ANO1: variants seen among roughly 807,000 people sequenced by gnomAD.
ANO1 encodes the protein anoctamin 1, also known as anoctamin-1.
ANO1 carries 59 observed loss-of-function variants against 124.0 expected under a neutral mutation model. That is an observed-to-expected ratio of 0.48 (90% CI 0.39 to 0.59). The LOEUF is 0.59. Ranked by LOEUF, ANO1 falls within the 20% of genes least tolerant of loss-of-function variation. The pLI is 0.00. For synonymous variants in ANO1, 529 were observed against 532.0 expected (o/e 0.99, Z 0.08); for missense variants, 1,059 against 1,328.0 (o/e 0.80, Z 3.15).
chr11:69,994,919 C>G (rs1856230662), intron 1 of ANO1, among the ~76,000 whole-genome samples: 1 of 152,126 alleles, frequency 6.6e-6, no homozygotes, highest in African/African-American at 2.4e-5. Context: ...TCATCACCAT[C>G]ATTCCTTTGT....
At chr11:70,156,673 A>G (rs1671032149) in intron 15 of ANO1, among the ~76,000 whole-genome samples, 1 of 152,224 alleles carries the variant, frequency 6.6e-6, no homozygotes, top group African/African-American at 2.4e-5. Flanking sequence ...GGCAGCTGGC[A>G]TTACAATGTC....
At chr11:70,110,612 G>A (rs921634777) in intron 6 of ANO1, among the ~76,000 whole-genome samples, 1 of 152,134 alleles carries the variant, frequency 6.6e-6, no homozygotes, top group African/African-American at 2.4e-5. Flanking sequence ...CCACAGAGAT[G>A]GCCCATTTTC....
chr11:70,013,781 G>T (rs917457993), intron 1 of ANO1, among the ~76,000 whole-genome samples: 1 of 49,826 alleles, frequency 2.0e-5, no homozygotes. Context: ...CAGCCTGGGT[G>T]ACAGAGTGAG....
intron 1 of ANO1, among the ~76,000 whole-genome samples, chr11:70,072,075 G>A (rs574164997): frequency 2.6e-5 from 4 of 152,288 alleles, no homozygotes; most frequent in South Asian, 2.1e-4. Flanking sequence ...GCCCAGTAAC[G>A]CACACCTTTA....
At chr11:70,133,787 T>A (rs1393384100) in intron 11 of ANO1, among the ~76,000 whole-genome samples, 1 of 152,158 alleles carries the variant, frequency 6.6e-6, no homozygotes, top group Non-Finnish European at 1.5e-5. Flanking sequence ...GCTGAGCCTG[T>A]GTGGTTTGCG....
intron 23 of ANO1, among the ~76,000 whole-genome samples, chr11:70,181,268 A>T (rs1389089372): frequency 6.6e-6 from 1 of 152,168 alleles, no homozygotes; most frequent in African/African-American, 2.4e-5. Flanking sequence ...ACGCCCCTGC[A>T]GGGCCGTGAT....
At chr11:70,095,339 A>AAAGAAAG in intron 2 of ANO1, among the ~76,000 whole-genome samples, 2 of 123,336 alleles carry the variant, frequency 1.6e-5, no homozygotes, top group East Asian at 2.5e-4. Flanking sequence ...GAAAGGAAAG[A>AAAGAAAG]GAAAGAAAAA....
chr11:70,159,907 G>A (rs1253952699), intron 16 of ANO1, among the ~76,000 whole-genome samples: 2 of 152,252 alleles, frequency 1.3e-5, no homozygotes, highest in African/African-American at 4.8e-5. Flanking sequence ...AGGGTGTGGT[G>A]AGGGCTGCAG....
At chr11:69,969,798 T>C in the ANO1 span, among the ~76,000 whole-genome samples, 1 of 151,882 alleles carries the variant, frequency 6.6e-6, no homozygotes, top group African/African-American at 2.4e-5. Context: ...AATACAAAAA[T>C]TAGCCAGGCG....
chr11:70,167,478 C>A (rs771273857), intron 21 of ANO1, 91 bp downstream of exon 21: 5 of 1,481,436 alleles, frequency 3.4e-6, no homozygotes, highest in Non-Finnish European at 4.5e-6. Flanking sequence ...GGGCATGATG[C>A]CCCCAACCCT....
chr11:70,120,615 G>A (rs938603983), intron 8 of ANO1, among the ~76,000 whole-genome samples: 10 of 152,166 alleles, frequency 6.6e-5, no homozygotes, highest in Non-Finnish European at 1.2e-4. Context: ...AAAACCCACA[G>A]GCCCTGTTGG....
chr11:70,087,508 C>A (rs12361305), intron 1 of ANO1, among the ~76,000 whole-genome samples: 44,020 of 152,104 alleles, frequency 0.29, 7,883 homozygotes, highest in East Asian at 0.45. Context: ...TGGCTTGGCA[C>A]CTTCATGAAT....
At chr11:70,178,898 CTG>C (rs1473017586) in intron 22 of ANO1, among the ~76,000 whole-genome samples, 1 of 152,238 alleles carries the variant, frequency 6.6e-6, no homozygotes. Context: ...ATGATTGTGA[CTG>C]TGATCTATCA....
At chr11:70,164,947 CG>C (rs2048194344) in intron 19 of ANO1, among the ~76,000 whole-genome samples, 1 of 152,164 alleles carries the variant, frequency 6.6e-6, no homozygotes, top group South Asian at 2.1e-4. Context: ...AGCCTGTAGG[CG>C]GAGTGTGTCC....
intron 1 of ANO1, among the ~76,000 whole-genome samples, chr11:69,999,694 G>A (rs4980718): frequency 0.5 from 75,827 of 152,018 alleles, 20,010 homozygotes; most frequent in East Asian, 0.89. Flanking sequence ...CTAGCACAGG[G>A]ACTGTCACTT....
chr11:70,020,823 C>G (rs371862503), intron 1 of ANO1: 1 of 152,262 alleles, frequency 6.6e-6, no homozygotes, highest in Non-Finnish European at 1.5e-5. Flanking sequence ...AAGCCCGAAA[C>G]GCATTCCCAT....
At chr11:70,158,934 C>A (rs1196890654) in intron 16 of ANO1, among the ~76,000 whole-genome samples, 4 of 152,044 alleles carry the variant, frequency 2.6e-5, no homozygotes, top group Admixed American at 1.3e-4. Context: ...TCCCCTCTGG[C>A]CAGGTGCCAG....
chr11:70,176,562 G>A (rs988690054), intron 22 of ANO1, among the ~76,000 whole-genome samples: 3 of 152,114 alleles, frequency 2.0e-5, no homozygotes, highest in South Asian at 2.1e-4. Context: ...GAAGCCTCCC[G>A]GTAACAGGCT....
rs2048042785 is a variant in ANO1, at chr11:70,161,511, C to T, written c.1781-111C>T. ...GGTATCCTGAGCACAGGCCATGGTG[C>T]GCCTATGAGAGCCGACTGAGTGACT... On this transcript the variant is annotated intron_variant, in intron 17 of 25. Transcript: ENST00000355303. The T allele has an allele frequency of 7.9e-6, 11 of 1,384,302 alleles. No individual in the cohort carries two copies. In the Admixed American group the frequency reaches 8.9e-5, roughly 11 times the overall value. The allele number at this position is 1,384,302 out of a possible 1,614,324, so 85.8% of individuals were successfully genotyped here. A position where few individuals can be genotyped will look rare whatever the true frequency, so the allele number is the denominator to read the frequency against.
Sources: gnomAD v4.1 joint callset for allele counts (sites outside exome capture counted in the v4.1 genomes callset) on GRCh38, gnomAD v4.1.1 for gene constraint, MANE v1.5 for transcripts, NCBI Gene and HGNC (gene_info 2026-07-23, HGNC 2026-07-21) for gene names.